HIPK2: variants seen among roughly 807,000 people sequenced by gnomAD.
HIPK2 encodes homeodomain interacting protein kinase 2.
In HIPK2, 27 loss-of-function variants were observed where a neutral mutation model predicts 113.7. The ratio of observed to expected loss-of-function variants is 0.24; its 90% CI spans 0.17 to 0.33. The LOEUF is 0.33. Ranked by LOEUF, HIPK2 falls within the 10% of genes least tolerant of loss-of-function variation. The pLI, the probability that HIPK2 is intolerant of heterozygous loss-of-function variation, is 1.00. For missense variants in HIPK2, 1,257 were observed against 1,588.0 expected (o/e 0.79, Z 3.54); for synonymous variants, 631 against 642.2 (o/e 0.98, Z 0.26).
At chr7:139,603,024 G>C (rs553211565) in intron 10 of HIPK2, among the ~76,000 whole-genome samples, 3 of 152,172 alleles carry the variant, frequency 2.0e-5, no homozygotes, top group Non-Finnish European at 4.4e-5. Context: ...GAAGGGAAGT[G>C]AGTGGGACTG....
intron 1 of HIPK2, among the ~76,000 whole-genome samples, chr7:139,748,886 G>T (rs1176753418): frequency 6.6e-6 from 1 of 152,134 alleles, no homozygotes; most frequent in Non-Finnish European, 1.5e-5. Context: ...GAAAAGATTT[G>T]TAAGAAATTA....
chr7:139,689,714 T>A (rs1170321178), intron 2 of HIPK2, among the ~76,000 whole-genome samples: 1 of 152,188 alleles, frequency 6.6e-6, no homozygotes, highest in Non-Finnish European at 1.5e-5. Flanking sequence ...TATCTGGCCC[T>A]ACATGTAATC....
intron 2 of HIPK2, among the ~76,000 whole-genome samples, chr7:139,642,236 A>C (rs577719327): frequency 1.3e-5 from 2 of 152,378 alleles, no homozygotes; most frequent in Non-Finnish European, 2.9e-5. Context: ...CACTGCAAAA[A>C]TAAGGAGACT....
rs529721247 is a variant in HIPK2 at position 139,714,511 on chromosome 7, T to C, written c.1103+1421A>G. Among the ~76,000 whole-genome samples, 37 of 152,124 alleles carry C rather than the reference T, an allele frequency of 2.4e-4. No homozygotes were observed. Among genetic ancestry groups the C allele is most frequent in the Middle Eastern group, 3.4e-3 (1 of 294 alleles). On this transcript the variant is annotated intron_variant, in intron 2 of 14. Transcript: ENST00000406875. The surrounding 1 kb of genome is among the most constrained non-coding windows in gnomAD (Gnocchi z 4.2). ...CGGACAGGGAGCAAGAAGGGGAAGC[T>C]GGCCCAGGTCAGCCCCAGGAATGGG...
At chr7:139,640,833 C>A (rs1261892171) in intron 2 of HIPK2, among the ~76,000 whole-genome samples, 1 of 152,100 alleles carries the variant, frequency 6.6e-6, no homozygotes, top group African/African-American at 2.4e-5. Flanking sequence ...CCAGGCTCTT[C>A]TTGAGCTCTT....
At chr7:139,703,880 CA>C (rs1794792539) in intron 2 of HIPK2, among the ~76,000 whole-genome samples, 58 of 126,994 alleles carry the variant, frequency 4.6e-4, no homozygotes, top group African/African-American at 1.7e-3. Context: ...AACACCACCA[CA>C]CACACACACA....
chr7:139,706,103 T>TA (rs1474853469), intron 2 of HIPK2, among the ~76,000 whole-genome samples: 1 of 152,194 alleles, frequency 6.6e-6, no homozygotes, highest in East Asian at 1.9e-4. Context: ...GCCCCTTCTT[T>TA]ATGCTGGGGA....
chr7:139,627,350 C>G (rs556730294), intron 5 of HIPK2, among the ~76,000 whole-genome samples: 1 of 137,606 alleles, frequency 7.3e-6, no homozygotes, highest in Middle Eastern at 3.7e-3. Flanking sequence ...ATGTATTTAA[C>G]CTTTAGAGGG....
intron 6 of HIPK2, among the ~76,000 whole-genome samples, chr7:139,625,760 GTTTTA>G (rs1800403960): frequency 6.6e-6 from 1 of 152,204 alleles, no homozygotes; most frequent in Non-Finnish European, 1.5e-5. Flanking sequence ...GGCATCACTT[GTTTTA>G]TACCATTCTC....
chr7:139,635,587 T>C (rs1422048946), intron 2 of HIPK2, among the ~76,000 whole-genome samples: 1 of 150,948 alleles, frequency 6.6e-6, no homozygotes, highest in African/African-American at 2.4e-5. Flanking sequence ...GAAAATGAAA[T>C]GGCAGCCATT....
chr7:139,639,926 T>C (rs1405717173), intron 2 of HIPK2, among the ~76,000 whole-genome samples: 1 of 152,060 alleles, frequency 6.6e-6, no homozygotes, highest in Non-Finnish European at 1.5e-5. Context: ...CACATGTCGG[T>C]TGCTTCCACA....
chr7:139,607,296 A>C (rs1457123946), intron 9 of HIPK2, among the ~76,000 whole-genome samples: 1 of 152,060 alleles, frequency 6.6e-6, no homozygotes, highest in African/African-American at 2.4e-5. Context: ...AAACAGAGAA[A>C]ATGGAGGGGA....
chr7:139,722,533 T>C (rs900034633), intron 1 of HIPK2, among the ~76,000 whole-genome samples: 2 of 152,336 alleles, frequency 1.3e-5, no homozygotes, highest in African/African-American at 4.8e-5. Context: ...ATAGATGCCA[T>C]TTATGTCTAT....
At chr7:139,723,540 C>T (rs1795480245) in intron 1 of HIPK2, among the ~76,000 whole-genome samples, 1 of 152,170 alleles carries the variant, frequency 6.6e-6, no homozygotes, top group South Asian at 2.1e-4. Flanking sequence ...GGGACTGGCT[C>T]ATTTAGCATA....
intron 7 of HIPK2, among the ~76,000 whole-genome samples, chr7:139,619,863 CACT>C (rs1800176424): frequency 6.6e-6 from 1 of 152,172 alleles, no homozygotes; most frequent in African/African-American, 2.4e-5. Context: ...TGGGCTCAAG[CACT>C]TCTCTCACCT....
Position 139,572,894 on chromosome 7 carries a change from T to TCCCAA in HIPK2, c.*32_*33insTTGGG. Reference sequence around the variant, plus strand: ...CTCCCTCCTCCCTCGGGCCATTCTCTCCCTCCCTCCCTCCCTCCCTCCCCT... The same window carrying TCCCAA: ...CTCCCTCCTCCCTCGGGCCATTCTCTCCCAACCCTCCCTCCCTCCCTCCCTCCCCT... On this transcript the variant is annotated 3_prime_UTR_variant, in exon 15 of 15. Coordinates refer to ENST00000406875, the MANE Select transcript of HIPK2 (RefSeq NM_022740.5). 6 of 554,278 alleles carry TCCCAA rather than the reference T, an allele frequency of 1.1e-5. 1 individual carries two copies. The highest frequency in any genetic ancestry group is 2.0e-5 in the Non-Finnish European group (6 of 302,510). The allele number at this position is 554,278 out of a possible 1,614,324, so 34.3% of individuals were successfully genotyped here.
In HIPK2 at chr7:139,754,585, T is replaced by G. The variant is rs75411241; in HGVS notation, c.19+23020A>C. Among the ~76,000 whole-genome samples the G allele has an allele frequency of 7.2e-3, 1,091 of 152,322 alleles. 13 individuals carry two copies. The highest frequency in any genetic ancestry group is 0.025 in the African/African-American group (1,025 of 41,556). ...AGACAGAGAGTGTGTGTGTGCAGTA[T>G]GTTAACTAAACCTCTTACAAAAGTC... is the stretch of plus-strand genomic sequence containing the variant. On this transcript the variant is annotated intron_variant, in intron 1 of 14. Coordinates refer to ENST00000406875, the MANE Select transcript of HIPK2 (RefSeq NM_022740.5).
chr7:139,590,588 T>TA (rs1277033160), intron 12 of HIPK2, among the ~76,000 whole-genome samples: 1 of 152,210 alleles, frequency 6.6e-6, no homozygotes, highest in Non-Finnish European at 1.5e-5. Context: ...ATGATGCTGA[T>TA]TATTAAGTAC....
chr7:139,777,245 A>G (rs1796784551), intron 1 of HIPK2: 1 of 151,326 alleles, frequency 6.6e-6, no homozygotes, highest in Non-Finnish European at 1.5e-5. Context: ...CCGAAAGGTA[A>G]TGTGGGGGGG....
Sources: gnomAD v4.1 joint callset for allele counts (sites outside exome capture counted in the v4.1 genomes callset) on GRCh38, gnomAD v4.1.1 for gene constraint, Gnocchi (gnomAD v3.1) non-coding constraint, MANE v1.5 for transcripts, NCBI Gene and HGNC (gene_info 2026-07-23, HGNC 2026-07-21) for gene names.